The following DAGLB variants were observed in gnomAD, a reference collection of about 807,000 sequenced individuals.
DAGLB encodes diacylglycerol lipase-beta.
In DAGLB, 66 loss-of-function variants were observed where a neutral mutation model predicts 72.1. That is an observed-to-expected ratio of 0.92 (90% CI 0.75 to 1.12). DAGLB has a LOEUF of 1.12. Among genes scored for constraint, DAGLB ranks in the 50% most tolerant of loss-of-function variants. The pLI is 0.00. For synonymous variants in DAGLB, 414 were observed against 359.5 expected (o/e 1.15, Z -1.71); for missense variants, 1,065 against 884.9 (o/e 1.20, Z -2.58).
rs775514378 is a variant in DAGLB at position 6,412,816 on chromosome 7, G to GT, written c.1563dup (p.Pro522ThrfsTer96). 6.3e-7 allele frequency: 1 copy of GT among 1,586,040 alleles called. No individual in the cohort carries two copies. The highest frequency in any genetic ancestry group is 1.8e-5 in the Admixed American group (1 of 56,492). On this transcript the variant is annotated frameshift_variant, in exon 13 of 15. Coordinates refer to ENST00000297056, the MANE Select transcript of DAGLB (RefSeq NM_139179.4). LOFTEE classifies it high-confidence loss of function. Reference sequence around the variant, plus strand: ...TCAACAAGGCACCCGCTTACCTTGGGTTTATTGCAGTGCGCGACCACTCGC... The same window carrying GT: ...TCAACAAGGCACCCGCTTACCTTGGGTTTTATTGCAGTGCGCGACCACTCGC...
intron 5 of DAGLB, 63 bp from the exon 6 acceptor site, chr7:6,430,670 ACT>A: frequency 6.3e-6 from 9 of 1,425,714 alleles, no homozygotes; most frequent in Non-Finnish European, 8.4e-6. Flanking sequence ...GGATCAACAC[ACT>A]GAGACCTGAA....
In DAGLB at chr7:6,409,726, T is replaced by C. The variant is rs531365221; in HGVS notation, c.*111A>G. The C allele has an allele frequency of 4.1e-4, 507 of 1,233,600 alleles. 2 individuals carry two copies. The African/African-American group carries it at 6.9e-3, about 17-fold the overall frequency. 76.4% of individuals were successfully genotyped at this position (1,233,600 alleles called of 1,614,324 possible). Reference sequence around the variant, plus strand: ...TGGAATTCTGTTCCCATCCGATTCCTGTTGATGGACATTCGCTGTTTTGGC... The same window carrying C: ...TGGAATTCTGTTCCCATCCGATTCCCGTTGATGGACATTCGCTGTTTTGGC... On this transcript the variant is annotated 3_prime_UTR_variant, in exon 15 of 15. Transcript: ENST00000297056.
chr7:6,425,877 G>A, intron 7 of DAGLB, 111 bp downstream of exon 7: 2 of 1,530,610 alleles, frequency 1.3e-6, no homozygotes, highest in East Asian at 2.3e-5. Flanking sequence ...ACTTAGAAGT[G>A]TGTTTGTGTG....
At chr7:6,427,390 G>T (rs1342602700) in intron 6 of DAGLB, among the ~76,000 whole-genome samples, 1 of 152,146 alleles carries the variant, frequency 6.6e-6, no homozygotes, top group Non-Finnish European at 1.5e-5. Flanking sequence ...TGACACCCAT[G>T]ATGCCAGCAC....
intron 11 of DAGLB, among the ~76,000 whole-genome samples, chr7:6,413,594 C>A (rs1341062214): frequency 1.3e-5 from 2 of 151,232 alleles, no homozygotes; most frequent in Non-Finnish European, 2.9e-5. Context: ...CGCGCCACTG[C>A]ACTCCAGCCT....
intron 8 of DAGLB, among the ~76,000 whole-genome samples, chr7:6,423,457 A>G (rs1428867522): frequency 6.6e-6 from 1 of 152,110 alleles, no homozygotes; most frequent in South Asian, 2.1e-4. Context: ...CAGAGTCTCG[A>G]TCTGTCGCCA....
At chr7:6,413,731 C>T (rs1008774691) in intron 11 of DAGLB, among the ~76,000 whole-genome samples, 6 of 152,312 alleles carry the variant, frequency 3.9e-5, no homozygotes, top group Admixed American at 3.3e-4. Context: ...GCTGGAGCCT[C>T]CAAACACCCA....
chr7:6,418,414 G>C (rs1783988531), intron 9 of DAGLB, among the ~76,000 whole-genome samples: 1 of 151,808 alleles, frequency 6.6e-6, no homozygotes, highest in South Asian at 2.1e-4. Context: ...AAAAAATAAA[G>C]CCATTCCCTA....
chr7:6,430,338 C>T, intron 6 of DAGLB, 142 bp downstream of exon 6: 7 of 952,630 alleles, frequency 7.3e-6, no homozygotes, highest in Non-Finnish European at 9.3e-6. Flanking sequence ...CGCATGTGAC[C>T]AGATGAGTCA....
chr7:6,432,613 T>C (rs2115277071), intron 5 of DAGLB, among the ~76,000 whole-genome samples: 1 of 147,884 alleles, frequency 6.8e-6, no homozygotes, highest in East Asian at 2.0e-4. Context: ...TAAGCCGCGA[T>C]TGTGCCACTG....
rs1367162098 is a variant in DAGLB, at chr7:6,445,937, A to G, written c.247+16T>C. ...TATAAAAAAATAGGTATCAAATAGA[A>G]AAGGCTACTTTTTACCTCTCATGCT... is the stretch of plus-strand genomic sequence containing the variant. On this transcript the variant is annotated intron_variant, in intron 2 of 14. Coordinates refer to ENST00000297056, the MANE Select transcript of DAGLB (RefSeq NM_139179.4). 1 of 1,573,228 alleles carries G rather than the reference A, an allele frequency of 6.4e-7. No individual in the cohort carries two copies. The highest frequency in any genetic ancestry group is 8.6e-7 in the Non-Finnish European group (1 of 1,161,754).
chr7:6,425,206 G>A (rs531206831), intron 7 of DAGLB, among the ~76,000 whole-genome samples: 122 of 152,338 alleles, frequency 8.0e-4, no homozygotes, highest in African/African-American at 2.5e-3. Flanking sequence ...CTCCCGCTGC[G>A]GTGCCTATGA....
chr7:6,424,746 C>T lies in DAGLB; in HGVS notation c.1140+6G>A, dbSNP rs370420568. The stretch of plus-strand genomic sequence containing the variant: ...CCAGGGCTGGAAAGTCAGGTTCCAA[C>T]GTTACCTGCAGAGACATGGTCCCCC... On this transcript the variant is annotated splice_donor_region_variant and intron_variant, in intron 8 of 14. Transcript: ENST00000297056. The T allele has an allele frequency of 2.7e-5, 43 of 1,613,218 alleles. No homozygotes were observed. Among genetic ancestry groups the T allele is most frequent in the Admixed American group, 3.3e-5 (2 of 59,998 alleles).
intron 13 of DAGLB, among the ~76,000 whole-genome samples, chr7:6,411,777 G>C (rs1196758325): frequency 1.3e-5 from 2 of 152,086 alleles, no homozygotes; most frequent in East Asian, 3.9e-4. Flanking sequence ...ACCACCCTTG[G>C]CATACGTATT....
intron 6 of DAGLB, among the ~76,000 whole-genome samples, chr7:6,427,754 A>G (rs147471465): frequency 1.7e-3 from 266 of 152,200 alleles, no homozygotes; most frequent in South Asian, 4.6e-3. Flanking sequence ...TGATACCACT[A>G]TACTCTAGCC....
In DAGLB at chr7:6,438,185, A is replaced by C. The variant is rs552995064; in HGVS notation, c.248-1652T>G. Reference sequence around the variant, plus strand: ...ACTTGGACACAGGGTGGGGAACATCACACACCGGGGCCTGTAGTTGGGTGG... The same window carrying C: ...ACTTGGACACAGGGTGGGGAACATCCCACACCGGGGCCTGTAGTTGGGTGG... On this transcript the variant is annotated intron_variant, in intron 2 of 14. Coordinates refer to ENST00000297056, the MANE Select transcript of DAGLB (RefSeq NM_139179.4). 1.7e-3 allele frequency among the ~76,000 whole-genome samples: 256 copies of C among 151,230 alleles called. 4 individuals carry two copies. Among genetic ancestry groups the C allele is most frequent in the Non-Finnish European group, 1.3e-3 (89 of 67,826 alleles).
intron 1 of DAGLB, among the ~76,000 whole-genome samples, chr7:6,446,730 C>A (rs1286602201): frequency 6.6e-6 from 1 of 151,582 alleles, no homozygotes; most frequent in African/African-American, 2.4e-5. Flanking sequence ...AGATCTAGGC[C>A]CGGCACGGCG....
intron 3 of DAGLB, 31 bp from the exon 4 acceptor site, chr7:6,435,051 G>C: frequency 6.2e-7 from 1 of 1,608,976 alleles, no homozygotes; most frequent in Non-Finnish European, 8.5e-7. Flanking sequence ...AAGGCTCGGT[G>C]ACTGCGGGCC....
At chr7:6,443,267 A>G (rs201960424) in intron 2 of DAGLB, among the ~76,000 whole-genome samples, 10,443 of 147,732 alleles carry the variant, frequency 0.071, 978 homozygotes, top group East Asian at 0.48. Flanking sequence ...AAAAAAAAAA[A>G]AAAAAAGAAA....
Sources: allele counts gnomAD v4.1 joint callset (sites outside exome capture counted in the v4.1 genomes callset), GRCh38; gene constraint gnomAD v4.1.1; transcripts MANE v1.5; gene names NCBI Gene and HGNC (gene_info 2026-07-23, HGNC 2026-07-21).